Variants in PLAC1 observed in about 807,000 individuals in gnomAD.
PLAC1 encodes the protein placenta associated 1, also known as placenta-specific protein 1.
For missense variants in PLAC1, 136 were observed against 163.2 expected (o/e 0.83, Z 0.91); for synonymous variants, 68 against 62.1 (o/e 1.09, Z -0.44).
At chrX:134,672,653 C>A (rs1431947038) in intron 2 of PLAC1, among the ~76,000 whole-genome samples, 1 of 112,399 alleles carries the variant, frequency 8.9e-6, no homozygotes, top group Non-Finnish European at 1.9e-5. Flanking sequence ...TGAAACAGAG[C>A]AAAGGATTCT....
chrX:134,638,673 C>T (rs144193818), intron 1 of PLAC1, among the ~76,000 whole-genome samples: 3 of 110,832 alleles, frequency 2.7e-5, no homozygotes, highest in East Asian at 2.8e-4. Flanking sequence ...AGCATAATTC[C>T]GGGTGGTATA....
intron 1 of PLAC1, among the ~76,000 whole-genome samples, chrX:134,761,387 T>C (rs1172375085): frequency 1.8e-5 from 2 of 111,892 alleles, no homozygotes; most frequent in Non-Finnish European, 3.8e-5. Context: ...AACCTGTTCC[T>C]TTTTACTCAA....
Position 134,566,459 on chromosome X carries a change from T to C in PLAC1, c.224A>G (p.Tyr75Cys). ...HVQPHAYQFT[Y>C]RVTECGIRAK... is the part of the protein sequence containing the mutation. ...CCTGATGCCACATTCAGTAACACGG[T>C]AGGTGAACTGGTAGGCGTGTGGCTG... is the stretch of plus-strand genomic sequence containing the variant. The change falls in exon 3 of 3, where the codon TAC becomes TGC. Residue 75 changes from tyrosine to cysteine, a missense_variant. Transcript: ENST00000359237. The C allele has an allele frequency of 1.7e-6, 2 of 1,211,679 alleles. No homozygotes were observed. The highest frequency in any genetic ancestry group is 2.2e-6 in the Non-Finnish European group (2 of 895,238).
At chrX:134,721,831 C>A (rs1471081085) in intron 2 of PLAC1, among the ~76,000 whole-genome samples, 2 of 110,766 alleles carry the variant, frequency 1.8e-5, no homozygotes, top group Non-Finnish European at 3.8e-5. Context: ...CCACTGCACT[C>A]CAGCCTGGGT....
rs1426672672 is a variant in PLAC1 at position 134,602,079 on chromosome X, C to T, written c.-87G>A. 1 of 112,717 alleles carries T rather than the reference C, an allele frequency of 8.9e-6. No homozygotes were observed. Among genetic ancestry groups the T allele is most frequent in the African/African-American group, 3.2e-5 (1 of 30,898 alleles). 9.3% of individuals were successfully genotyped at this position (112,717 alleles called of 1,213,427 possible). A position where few individuals can be genotyped will look rare whatever the true frequency, so the allele number is the denominator to read the frequency against. On this transcript the variant is annotated 5_prime_UTR_variant, in exon 2 of 3. Transcript: ENST00000359237. ...CTTCTGGCAGCTGGGGATAATTTGT[C>T]AGTTTCCTTTGAAATGTGGCTTTGT...
intron 1 of PLAC1, among the ~76,000 whole-genome samples, chrX:134,733,930 C>T (rs1317277864): frequency 8.9e-6 from 1 of 111,907 alleles, no homozygotes; most frequent in East Asian, 2.8e-4. Flanking sequence ...TTATGAACTG[C>T]AAGCTTTAGG....
At chrX:134,694,021 T>C (rs778767775) in intron 2 of PLAC1, among the ~76,000 whole-genome samples, 7 of 111,803 alleles carry the variant, frequency 6.3e-5, no homozygotes, top group South Asian at 3.8e-4. Flanking sequence ...GTCTCTAATA[T>C]TGAACCTCTC....
intron 2 of PLAC1, among the ~76,000 whole-genome samples, chrX:134,587,862 C>A (rs907224051): frequency 1.8e-5 from 2 of 111,978 alleles, no homozygotes; most frequent in Non-Finnish European, 3.8e-5. Flanking sequence ...GCAGGCAGTG[C>A]GGGAAGGGGA....
chrX:134,702,615 G>T, intron 2 of PLAC1, among the ~76,000 whole-genome samples: 1 of 111,692 alleles, frequency 9.0e-6, no homozygotes, highest in Non-Finnish European at 1.9e-5. Flanking sequence ...AGTGAGAGAG[G>T]GGGGCAAGGG....
Position 134,643,895 on chromosome X carries a change from G to A in PLAC1, c.-131+14433C>T, listed in dbSNP as rs60286504. Among the ~76,000 whole-genome samples, 1,025 of 106,023 alleles carry A rather than the reference G, an allele frequency of 9.7e-3. 19 individuals are homozygous for A. Among genetic ancestry groups the A allele is most frequent in the African/African-American group, 0.034 (987 of 29,327 alleles). 92.1% of individuals were successfully genotyped at this position (106,023 alleles called of 115,157 possible). A position where few individuals can be genotyped will look rare whatever the true frequency, so the allele number is the denominator to read the frequency against. The stretch of plus-strand genomic sequence containing the variant: ...TGTGTGACCTTGGGCAAGTTACTTA[G>A]CTTTTCTATGCCTCAGTTTTCTTAT... On this transcript the variant is annotated intron_variant, in intron 1 of 2. Coordinates refer to ENST00000359237, the MANE Select transcript of PLAC1 (RefSeq NM_021796.4).
Position 134,647,971 on chromosome X carries a change from T to A in PLAC1, c.-131+10357A>T, listed in dbSNP as rs368528233. ...TAGCAACCCATCGAAATCAAGAGAT[T>A]TTTGAAGGATACTGCAAAGTAGAAT... On this transcript the variant is annotated intron_variant, in intron 1 of 2. Coordinates refer to ENST00000359237, the MANE Select transcript of PLAC1 (RefSeq NM_021796.4). Among the ~76,000 whole-genome samples, 41 of 111,270 alleles carry A rather than the reference T, an allele frequency of 3.7e-4. 4 individuals are homozygous for A. The highest frequency in any genetic ancestry group is 3.1e-3 in the Admixed American group (32 of 10,474).
At chrX:134,611,053 G>GT (rs202017535) in intron 1 of PLAC1, among the ~76,000 whole-genome samples, 2,573 of 110,263 alleles carry the variant, frequency 0.023, 79 homozygotes, top group African/African-American at 0.079. Flanking sequence ...TAATTTTTGT[G>GT]TTTTTTTGTA....
At position 134,603,333 on chromosome X, in the gene PLAC1, T is replaced by A. The variant is rs1207317501; in HGVS notation, c.-130-1211A>T. ...TATATATTTTTTTTTTTTTTTTTTT[T>A]TTTTTTTTTTTTTTTCTTTTTTGAG... On this transcript the variant is annotated intron_variant, in intron 1 of 2. Coordinates refer to ENST00000359237, the MANE Select transcript of PLAC1 (RefSeq NM_021796.4). Among the ~76,000 whole-genome samples, 38 of 42,489 alleles carry A rather than the reference T, an allele frequency of 8.9e-4. 1 individual carries two copies. Among genetic ancestry groups the A allele is most frequent in the African/African-American group, 3.5e-3 (38 of 10,993 alleles). The allele number at this position is 42,489 out of a possible 115,157, so 36.9% of individuals were successfully genotyped here. A position where few individuals can be genotyped will look rare whatever the true frequency, so the allele number is the denominator to read the frequency against.
At chrX:134,616,582 G>A (rs2078181852) in intron 1 of PLAC1, among the ~76,000 whole-genome samples, 1 of 109,569 alleles carries the variant, frequency 9.1e-6, no homozygotes, top group South Asian at 4.1e-4. Context: ...CTTGCAGTGA[G>A]CCGAGATTGC....
intron 2 of PLAC1, among the ~76,000 whole-genome samples, chrX:134,722,086 T>C (rs920656896): frequency 1.8e-5 from 2 of 110,137 alleles, no homozygotes; most frequent in Non-Finnish European, 3.8e-5. Context: ...TAAATCAATG[T>C]GTTCTTTTTA....
chrX:134,577,463 C>A (rs1442919648), intron 2 of PLAC1, among the ~76,000 whole-genome samples: 1 of 111,315 alleles, frequency 9.0e-6, no homozygotes, highest in Non-Finnish European at 1.9e-5. Context: ...CCAAGGCGGG[C>A]GTATCACCTA....
In PLAC1 at chrX:134,603,524, TG is replaced by T. The variant is rs1369371505; in HGVS notation, c.-130-1403del. Among the ~76,000 whole-genome samples, 3 of 101,484 alleles carry T rather than the reference TG, an allele frequency of 3.0e-5. No individual in the cohort carries two copies. The Admixed American group carries it at 3.3e-4, about 11-fold the overall frequency. 88.1% of individuals were successfully genotyped at this position (101,484 alleles called of 115,157 possible). On this transcript the variant is annotated intron_variant, in intron 1 of 2. Coordinates refer to ENST00000359237, the MANE Select transcript of PLAC1 (RefSeq NM_021796.4). The stretch of plus-strand genomic sequence containing the variant: ...GGGTATTTTGTATTTTTAGTAGAGA[TG>T]GGGTTTCACCGTGTTAGCCAGGATG...
chrX:134,634,080 T>C (rs2078272976), intron 1 of PLAC1, among the ~76,000 whole-genome samples: 1 of 111,789 alleles, frequency 8.9e-6, no homozygotes, highest in African/African-American at 3.3e-5. Flanking sequence ...GCTCTAAGGT[T>C]CTTGTCTGTC....
rs2077870950 is a variant in PLAC1, at chrX:134,565,940, A to C, written c.*104T>G. 1 of 653,884 alleles carries C rather than the reference A, an allele frequency of 1.5e-6. No homozygotes were observed. The highest frequency in any genetic ancestry group is 2.3e-6 in the Non-Finnish European group (1 of 430,787). The allele number at this position is 653,884 out of a possible 1,213,427, so 53.9% of individuals were successfully genotyped here. A position where few individuals can be genotyped will look rare whatever the true frequency, so the allele number is the denominator to read the frequency against. On this transcript the variant is annotated 3_prime_UTR_variant, in exon 3 of 3. Coordinates refer to ENST00000359237, the MANE Select transcript of PLAC1 (RefSeq NM_021796.4). ...AAGTTGCTATAGGTTTCTCTTTCTCAAAAGTGCTCACATGAGGGTCACAAG... is the reference window on the plus strand; with the variant it reads ...AAGTTGCTATAGGTTTCTCTTTCTCCAAAGTGCTCACATGAGGGTCACAAG...
Sources: gnomAD v4.1 joint callset for allele counts (sites outside exome capture counted in the v4.1 genomes callset) on GRCh38, gnomAD v4.1.1 for gene constraint, MANE v1.5 for transcripts, NCBI Gene and HGNC (gene_info 2026-07-23, HGNC 2026-07-21) for gene names.